The following CLCNKA variants were observed in gnomAD, a reference collection of about 807,000 sequenced individuals.
The protein encoded by CLCNKA is chloride channel protein ClC-Ka.
Under a neutral mutation model 83.3 loss-of-function variants are expected in CLCNKA, and 66 were observed. The ratio of observed to expected loss-of-function variants is 0.79; its 90% CI spans 0.65 to 0.97. The LOEUF (loss-of-function observed/expected upper bound fraction) is 0.97, where lower values mean the gene tolerates loss of function less well. Ranked by LOEUF, CLCNKA falls within the 50% of genes least tolerant of loss-of-function variation. CLCNKA has a pLI of 0.00. For missense variants in CLCNKA, 806 were observed against 888.7 expected (o/e 0.91, Z 1.18); for synonymous variants, 357 against 370.4 (o/e 0.96, Z 0.42).
Position 16,028,469 on chromosome 1 carries a change from G to A in CLCNKA, c.969-292G>A, listed in dbSNP as rs12130496. The A allele has an allele frequency of 0.085, 52,444 of 619,924 alleles. 2,640 individuals are homozygous for A. Among genetic ancestry groups the A allele is most frequent in the Non-Finnish European group, 0.1 (34,592 of 342,260 alleles). 38.4% of individuals were successfully genotyped at this position (619,924 alleles called of 1,614,324 possible). On this transcript the variant is annotated intron_variant, in intron 10 of 19. Coordinates refer to ENST00000331433, the MANE Select transcript of CLCNKA (RefSeq NM_004070.4). Reference sequence around the variant, plus strand: ...CCCGGAGATGCACATGGCCCGCCCCGGCCCGGCCCACTGTCTCCTCCCTCC... The same window carrying A: ...CCCGGAGATGCACATGGCCCGCCCCAGCCCGGCCCACTGTCTCCTCCCTCC...
chr1:16,032,573 C>T, intron 18 of CLCNKA, 47 bp downstream of exon 18: 1 of 1,439,688 alleles, frequency 6.9e-7, no homozygotes. Flanking sequence ...CGGGGCAGGG[C>T]AAGAGCTGAT....
chr1:16,032,324 G>A (rs758404467), intron 17 of CLCNKA, 33 bp downstream of exon 17: 25 of 1,490,610 alleles, frequency 1.7e-5, no homozygotes, highest in Admixed American at 3.4e-5. Flanking sequence ...GGGATGGGGC[G>A]GGGGTGGGTC....
At position 16,026,820 on chromosome 1, in the gene CLCNKA, T is replaced by C. The variant is rs529112534; in HGVS notation, c.655+45T>C. ...CCGCCCCCTGGGTCCCTCAAGCTCC[T>C]CCCCTCACACCCTGGGCTCCCTCGG... On this transcript the variant is annotated intron_variant, in intron 7 of 19. Transcript: ENST00000331433. 5.8e-4 allele frequency: 929 copies of C among 1,607,212 alleles called. 1 individual carries two copies. The highest frequency in any genetic ancestry group is 6.6e-4 in the Non-Finnish European group (775 of 1,174,508).
intron 7 of CLCNKA, 155 bp downstream of exon 7, chr1:16,026,930 C>G: frequency 1.0e-6 from 1 of 1,004,910 alleles, no homozygotes; most frequent in Non-Finnish European, 1.5e-6. Context: ...CCCCCGGGGG[C>G]GGCGGGGCGG....
At chr1:16,030,296 C>T (rs1398928183) in intron 14 of CLCNKA, among the ~76,000 whole-genome samples, 165 bp from the exon 15 acceptor site, 1 of 152,214 alleles carries the variant, frequency 6.6e-6, no homozygotes, top group Non-Finnish European at 1.5e-5. Context: ...TTATCCCTCT[C>T]CTCTCACCAA....
chr1:16,032,341 G>A (rs770849952), intron 17 of CLCNKA, 50 bp downstream of exon 17: 4 of 1,396,218 alleles, frequency 2.9e-6, no homozygotes, highest in Non-Finnish European at 4.0e-6. Flanking sequence ...GGTCAGCAGG[G>A]ATGGGAGGGG....
chr1:16,028,882 C>A (rs761390039), intron 11 of CLCNKA, 37 bp downstream of exon 11: 2 of 1,605,118 alleles, frequency 1.2e-6, no homozygotes, highest in Non-Finnish European at 1.7e-6. Flanking sequence ...GGAGTGGGAA[C>A]CCCCATTTGT....
intron 5 of CLCNKA, 93 bp from the exon 6 acceptor site, chr1:16,026,443 G>A: frequency 6.4e-7 from 1 of 1,558,734 alleles, no homozygotes; most frequent in Non-Finnish European, 8.8e-7. Flanking sequence ...GGGGGTTGGG[G>A]AGATGGAGGA....
In CLCNKA at chr1:16,031,709, G is replaced by A; in HGVS notation, c.1623-1G>A. On this transcript the variant is annotated splice_acceptor_variant, in intron 15 of 19. Coordinates refer to ENST00000331433, the MANE Select transcript of CLCNKA (RefSeq NM_004070.4). LOFTEE classifies it high-confidence loss of function. ...CCTGATGGGAGCCCCTCTGCCTGCA[G>A]CTCCCACCATGTGAGGGTGGAGCAC... 6.2e-7 allele frequency: 1 copy of A among 1,613,688 alleles called. No individual in the cohort carries two copies. Among genetic ancestry groups the A allele is most frequent in the African/African-American group, 1.3e-5 (1 of 75,064 alleles).
intron 7 of CLCNKA, 34 bp from the exon 8 acceptor site, chr1:16,027,276 G>A (rs2022400140): frequency 1.2e-6 from 2 of 1,611,822 alleles, no homozygotes; most frequent in Non-Finnish European, 1.7e-6. Flanking sequence ...GTGGGTGGGG[G>A]TGGGGGCCCA....
Position 16,030,486 on chromosome 1 carries a change from G to A in CLCNKA, c.1434G>A (p.Val478=). ...LAGAAAFSGA[V]THTISTALLA... ...GGGCTGCAGCCTTCTCAGGGGCTGT[G>A]ACCCACACCATCTCCACGGCGCTGC... The change falls in exon 15 of 20, where the codon GTG becomes GTA. Residue 478 remains valine, a synonymous_variant. Transcript: ENST00000331433. The A allele has an allele frequency of 6.2e-7, 1 of 1,612,868 alleles. No individual in the cohort carries two copies. The highest frequency in any genetic ancestry group is 2.2e-5 in the East Asian group (1 of 44,884).
In CLCNKA at chr1:16,022,641, C is replaced by T. The variant is rs138801062; in HGVS notation, c.22C>T (p.Arg8Cys). Residue 8 changes from arginine to cysteine, a missense_variant, in exon 2 of 20, where the codon CGT (arginine) becomes TGT (cysteine). Physicochemically the swap from Arg to Cys is radical, Grantham distance 180. Coordinates refer to ENST00000331433, the MANE Select transcript of CLCNKA (RefSeq NM_004070.4). MEELVGL[R>C]EGFSGDPVTL... ...CCTGATGGAGGAGTTGGTGGGGCTG[C>T]GTGAGGGCTTCTCAGGGGACCCTGT... The T allele has an allele frequency of 1.1e-5, 18 of 1,567,536 alleles. No homozygotes were observed. The highest frequency in any genetic ancestry group is 9.4e-5 in the African/African-American group (7 of 74,342).
intron 8 of CLCNKA, 54 bp downstream of exon 8, chr1:16,027,489 A>G (rs1481827285): frequency 3.9e-5 from 62 of 1,607,152 alleles, no homozygotes; most frequent in African/African-American, 9.4e-5. Flanking sequence ...GGGGCGAGGG[A>G]GACCTCCCTT....
At chr1:16,033,548 T>TGGGGGGGGGGGGGGG in intron 19 of CLCNKA, 63 bp from the exon 20 acceptor site, 2 of 1,121,924 alleles carry the variant, frequency 1.8e-6, no homozygotes, top group Non-Finnish European at 2.7e-6. Flanking sequence ...CTAAAAATGC[T>TGGGGGGGGGGGGGGG]GGAGCCCCCC....
intron 17 of CLCNKA, 22 bp downstream of exon 17, chr1:16,032,313 GGGGATGGGGCGGGGGTGGGTCAGCA>G: frequency 6.4e-7 from 1 of 1,555,712 alleles, no homozygotes; most frequent in Non-Finnish European, 8.9e-7. Flanking sequence ...TGAGGGGCGT[GGGGATGGGGCGGGGGTGGGTCAGCA>G]GGGATGGGAG....
Position 16,033,187 on chromosome 1 carries a change from G to A in CLCNKA, c.1947G>A (p.Lys649=), listed in dbSNP as rs2022705798. The A allele has an allele frequency of 1.2e-6, 2 of 1,614,184 alleles. No homozygotes were observed. Among genetic ancestry groups the A allele is most frequent in the Middle Eastern group, 1.6e-4 (1 of 6,062 alleles). The change falls in exon 19 of 20, where the codon AAG becomes AAA. Residue 649 remains lysine, a synonymous_variant. Coordinates refer to ENST00000331433, the MANE Select transcript of CLCNKA (RefSeq NM_004070.4). ...TTLHQAQNLF[K]LLNLQSLFVT... ...CCATCCAGGCACAAAACCTCTTTAA[G>A]CTGTTGAACCTTCAGTCCCTCTTCG... is the stretch of plus-strand genomic sequence containing the variant.
rs369253194 is a variant in CLCNKA at position 16,030,842 on chromosome 1, T to C, written c.1622+168T>C. Among the ~76,000 whole-genome samples the C allele has an allele frequency of 0.011, 1,621 of 152,330 alleles. 31 individuals are homozygous for C. The highest frequency in any genetic ancestry group is 0.033 in the African/African-American group (1,390 of 41,582). On this transcript the variant is annotated intron_variant, in intron 15 of 19. Coordinates refer to ENST00000331433, the MANE Select transcript of CLCNKA (RefSeq NM_004070.4). ...CTCATCTCCACTCTCCCCAGTGCCCTGGGTGACCTTGGGCAAGTCCTTGGC... is the reference window on the plus strand; with the variant it reads ...CTCATCTCCACTCTCCCCAGTGCCCCGGGTGACCTTGGGCAAGTCCTTGGC...
chr1:16,030,189 C>G lies in CLCNKA; in HGVS notation c.1408+114C>G, dbSNP rs551111790. 3.1e-5 allele frequency: 25 copies of G among 798,068 alleles called. No homozygotes were observed. In the East Asian group the frequency reaches 6.7e-4, roughly 21 times the overall value. The allele number at this position is 798,068 out of a possible 1,614,324, so 49.4% of individuals were successfully genotyped here. On this transcript the variant is annotated intron_variant, in intron 14 of 19. Coordinates refer to ENST00000331433, the MANE Select transcript of CLCNKA (RefSeq NM_004070.4). ...GCAGTCACTGAGTCCTCCAGTGAACCCCCTACCCCTCATGGGGGTCTGTCC... is the reference window on the plus strand; with the variant it reads ...GCAGTCACTGAGTCCTCCAGTGAACGCCCTACCCCTCATGGGGGTCTGTCC...
Position 16,033,191 on chromosome 1 carries a change from T to C in CLCNKA, c.1951T>C (p.Leu651=). Residue 651 remains leucine, a synonymous_variant, in exon 19 of 20, where the codon TTG becomes CTG. Coordinates refer to ENST00000331433, the MANE Select transcript of CLCNKA (RefSeq NM_004070.4). ...LHQAQNLFKL[L]NLQSLFVTSR... Reference sequence around the variant, plus strand: ...CCAGGCACAAAACCTCTTTAAGCTGTTGAACCTTCAGTCCCTCTTCGTGAC... The same window carrying C: ...CCAGGCACAAAACCTCTTTAAGCTGCTGAACCTTCAGTCCCTCTTCGTGAC... 1.2e-6 allele frequency: 2 copies of C among 1,614,182 alleles called. No individual in the cohort carries two copies. The highest frequency in any genetic ancestry group is 1.7e-6 in the Non-Finnish European group (2 of 1,180,018).
Sources: gnomAD v4.1 joint callset for allele counts (sites outside exome capture counted in the v4.1 genomes callset) on GRCh38, gnomAD v4.1.1 for gene constraint, MANE v1.5 for transcripts, NCBI Gene and HGNC (gene_info 2026-07-23, HGNC 2026-07-21) for gene names.